Variants in TRPM3 observed in about 807,000 individuals in gnomAD.
The protein encoded by TRPM3 is long transient receptor potential channel 3.
TRPM3 carries 77 observed loss-of-function variants against 181.2 expected under a neutral mutation model. The ratio of observed to expected loss-of-function variants is 0.42; its 90% CI spans 0.35 to 0.51. The LOEUF is 0.51. Among genes scored for constraint, TRPM3 ranks in the 20% least tolerant of loss-of-function variants. The pLI is 0.01. For synonymous variants in TRPM3, 745 were observed against 796.4 expected (o/e 0.94, Z 1.09); for missense variants, 1,759 against 2,196.7 (o/e 0.80, Z 3.98).
intron 1 of TRPM3, among the ~76,000 whole-genome samples, chr9:70,893,695 CCCT>C (rs1468078712): frequency 2.0e-5 from 3 of 152,082 alleles, no homozygotes; most frequent in Admixed American, 6.5e-5. Flanking sequence ...AAGCAAAGCG[CCCT>C]CCTCCTGAAA....
At chr9:70,787,072 T>C (rs1003514833) in intron 6 of TRPM3, among the ~76,000 whole-genome samples, 7 of 152,174 alleles carry the variant, frequency 4.6e-5, no homozygotes, top group African/African-American at 1.7e-4. Context: ...CCAAATCTCA[T>C]AGGCTGATTT....
At chr9:70,751,054 A>G (rs1430703498) in intron 8 of TRPM3, among the ~76,000 whole-genome samples, 1 of 152,202 alleles carries the variant, frequency 6.6e-6, no homozygotes, top group Non-Finnish European at 1.5e-5. Context: ...TGAATAAATG[A>G]ATGAAATTTA....
intron 1 of TRPM3, among the ~76,000 whole-genome samples, chr9:71,282,131 A>T (rs1195170348): frequency 1.0e-4 from 14 of 139,786 alleles, no homozygotes; most frequent in Non-Finnish European, 1.4e-4. Context: ...AAAGAACGAA[A>T]GAAAGAAAGA....
chr9:70,653,861 G>T (rs949014923), intron 9 of TRPM3, among the ~76,000 whole-genome samples: 4 of 152,104 alleles, frequency 2.6e-5, no homozygotes, highest in African/African-American at 9.7e-5. Flanking sequence ...GGGGTGTTCT[G>T]TTTTCTTTGT....
At chr9:70,656,235 G>T (rs1040948070) in intron 9 of TRPM3, among the ~76,000 whole-genome samples, 3 of 152,142 alleles carry the variant, frequency 2.0e-5, no homozygotes, top group African/African-American at 7.2e-5. Flanking sequence ...ATTTGGCATA[G>T]GGGTTAAAAA....
intron 14 of TRPM3, among the ~76,000 whole-genome samples, chr9:70,622,819 G>A (rs2063822979): frequency 6.6e-6 from 1 of 152,146 alleles, no homozygotes; most frequent in Admixed American, 6.5e-5. Context: ...GGCTATTCAT[G>A]TTAGAACAGC....
intron 1 of TRPM3, among the ~76,000 whole-genome samples, chr9:71,253,105 G>A (rs968575428): frequency 6.6e-6 from 1 of 152,208 alleles, no homozygotes; most frequent in African/African-American, 2.4e-5. Flanking sequence ...AAACTAGAGA[G>A]TAATGGTTTG....
At chr9:70,852,320 T>C (rs923050612) in intron 3 of TRPM3, among the ~76,000 whole-genome samples, 1 of 151,968 alleles carries the variant, frequency 6.6e-6, no homozygotes, top group Non-Finnish European at 1.5e-5. Flanking sequence ...GTTTTACCGA[T>C]GGGAACAGAA....
At chr9:71,094,669 CTT>C (rs1194770224) in intron 1 of TRPM3, among the ~76,000 whole-genome samples, 16 of 151,854 alleles carry the variant, frequency 1.1e-4, no homozygotes, top group Admixed American at 1.3e-4. Flanking sequence ...AGAGAGCAAT[CTT>C]ATATATAAGT....
chr9:70,535,971 AAAG>A lies in TRPM3; in HGVS notation c.5139_5141del (p.Phe1714del). ...AGAAGGTTTAGTTGTGCTTGCTTTC[AAAG>A]CTTTGGAAAGCCGATGTTCTGGACA... On this transcript the variant is annotated inframe_deletion, in exon 26 of 26. Coordinates refer to ENST00000677713, the MANE Select transcript of TRPM3 (RefSeq NM_001366145.2). 1.2e-6 allele frequency: 2 copies of A among 1,600,512 alleles called. No individual in the cohort carries two copies. The highest frequency in any genetic ancestry group is 1.7e-6 in the Non-Finnish European group (2 of 1,174,042).
Position 70,591,140 on chromosome 9 carries a change from C to A in TRPM3, c.3114G>T (p.Arg1038Ser). ...CCTCATTGGGAAAAAGGATGGCTTG[C>A]CTGGCGACCCCAAAGCTCATCAGAA... ...LVVLMSFGVA[R>S]QAILFPNEEP... The change falls in exon 22 of 26, where the codon AGG (arginine) becomes AGT (serine). Residue 1038 changes from arginine (R) to serine (S), a missense_variant. By Grantham distance (110) the Arg-to-Ser change is moderately radical. Transcript: ENST00000677713. 1.2e-6 allele frequency: 2 copies of A among 1,614,136 alleles called. No homozygotes were observed. The highest frequency in any genetic ancestry group is 1.7e-6 in the Non-Finnish European group (2 of 1,180,020).
intron 1 of TRPM3, among the ~76,000 whole-genome samples, chr9:70,939,584 G>A (rs868340728): frequency 6.6e-6 from 1 of 152,136 alleles, no homozygotes; most frequent in South Asian, 2.1e-4. Flanking sequence ...GTGCCCACAA[G>A]GGTTGATTTT....
intron 1 of TRPM3, among the ~76,000 whole-genome samples, chr9:70,999,253 G>A (rs1236438287): frequency 2.6e-5 from 4 of 152,162 alleles, no homozygotes; most frequent in African/African-American, 7.2e-5. Context: ...TAGATCATAG[G>A]TGTGCTTTTA....
chr9:71,350,201 T>C (rs757620002), intron 1 of TRPM3, among the ~76,000 whole-genome samples: 17 of 152,118 alleles, frequency 1.1e-4, no homozygotes, highest in Non-Finnish European at 2.1e-4. Context: ...TCACAGTCTA[T>C]GAAAAGAAGT....
At chr9:70,599,027 T>A (rs1211912775) in intron 20 of TRPM3, among the ~76,000 whole-genome samples, 1 of 152,194 alleles carries the variant, frequency 6.6e-6, no homozygotes, top group African/African-American at 2.4e-5. Flanking sequence ...GGCTGTTCAC[T>A]TGGGAAGACT....
chr9:70,789,804 T>G (rs956613364), intron 6 of TRPM3, among the ~76,000 whole-genome samples: 1 of 152,234 alleles, frequency 6.6e-6, no homozygotes, highest in African/African-American at 2.4e-5. Context: ...AATTACATAC[T>G]GAACCCTAAG....
At chr9:71,138,034 A>G (rs1436912180) in intron 1 of TRPM3, among the ~76,000 whole-genome samples, 1 of 152,016 alleles carries the variant, frequency 6.6e-6, no homozygotes, top group Non-Finnish European at 1.5e-5. Context: ...GAATCACTTG[A>G]ACTTGTGAGC....
intron 1 of TRPM3, among the ~76,000 whole-genome samples, chr9:71,253,560 C>T (rs1052956275): frequency 2.0e-5 from 3 of 152,134 alleles, no homozygotes; most frequent in Non-Finnish European, 4.4e-5. Flanking sequence ...TTGTTCTTCA[C>T]ACATATTAAA....
intron 1 of TRPM3, among the ~76,000 whole-genome samples, chr9:71,197,055 G>A (rs1395541984): frequency 1.3e-5 from 2 of 152,078 alleles, no homozygotes; most frequent in South Asian, 2.1e-4. Flanking sequence ...AGAGTGTGAT[G>A]TTCCCCTTCC....
Sources: gnomAD v4.1 joint callset for allele counts (sites outside exome capture counted in the v4.1 genomes callset) on GRCh38, gnomAD v4.1.1 for gene constraint, MANE v1.5 for transcripts, NCBI Gene and HGNC (gene_info 2026-07-23, HGNC 2026-07-21) for gene names.